GRK5: variants seen among roughly 807,000 people sequenced by gnomAD.
GRK5 encodes the protein G protein-coupled receptor kinase 5.
GRK5 carries 40 observed loss-of-function variants against 78.4 expected under a neutral mutation model. That is an observed-to-expected ratio of 0.51 (90% CI 0.40 to 0.66). The LOEUF (loss-of-function observed/expected upper bound fraction) is 0.66. Ranked by LOEUF, GRK5 falls within the 30% of genes least tolerant of loss-of-function variation. The pLI is 0.00. For missense variants in GRK5, 598 were observed against 759.9 expected, an observed-to-expected ratio of 0.79 and a Z score of 2.50; for synonymous variants, 289 against 296.8, an observed-to-expected ratio of 0.97 and a Z score of 0.27.
At position 119,336,933 on chromosome 10, in the gene GRK5, A is replaced by G. The variant is rs7069375; in HGVS notation, c.148+10322A>G. 0.43 allele frequency among the ~76,000 whole-genome samples: 65,113 copies of G among 152,022 alleles called. 16,642 individuals are homozygous for G. The highest frequency in any genetic ancestry group is 0.57 in the Non-Finnish European group (38,501 of 67,958). On this transcript the variant is annotated intron_variant, in intron 2 of 15. Transcript: ENST00000392870. The surrounding 1 kb of genome is among the most constrained non-coding windows in gnomAD (Gnocchi z 4.5). ...TTTGCGGTGTTAGTCTCACCTCCCC[A>G]CTACGGCCGGAAGCTCCTTGAAAGA...
chr10:119,280,217 C>G lies in GRK5; in HGVS notation c.53-46299C>G, dbSNP rs543079419. The stretch of plus-strand genomic sequence containing the variant: ...AACTTAACAAAAATTGGTCCAGGGA[C>G]AAATTATGCTTAGTAATGGATTATC... On this transcript the variant is annotated intron_variant, in intron 1 of 15. Coordinates refer to ENST00000392870, the MANE Select transcript of GRK5 (RefSeq NM_005308.3). 4.6e-5 allele frequency among the ~76,000 whole-genome samples: 7 copies of G among 152,306 alleles called. No homozygotes were observed. In the South Asian group the frequency reaches 1.4e-3, roughly 32 times the overall value.
At chr10:119,314,338 G>T (rs1850446861) in intron 1 of GRK5, among the ~76,000 whole-genome samples, 1 of 152,202 alleles carries the variant, frequency 6.6e-6, no homozygotes. Flanking sequence ...CCCTTTGAAT[G>T]GAACCTGGGG....
rs527540030 is a variant in GRK5, at chr10:119,435,887, C to T, written c.739-764C>T. 7.9e-5 allele frequency among the ~76,000 whole-genome samples: 12 copies of T among 152,324 alleles called. No homozygotes were observed. In the East Asian group the frequency reaches 1.7e-3, roughly 22 times the overall value. ...GAGGTTTAATGGACTTACAGTTCCA[C>T]GTGGCTGGGGAGGCCCCACAATCAT... On this transcript the variant is annotated intron_variant, in intron 8 of 15. Transcript: ENST00000392870.
intron 1 of GRK5, among the ~76,000 whole-genome samples, chr10:119,311,177 T>C (rs185664263): frequency 9.0e-4 from 137 of 152,326 alleles, no homozygotes; most frequent in Middle Eastern, 3.4e-3. Context: ...TCCCTTCCGG[T>C]CCTGCCTCGC....
intron 1 of GRK5, among the ~76,000 whole-genome samples, chr10:119,250,918 A>G (rs1305006008): frequency 1.3e-5 from 2 of 152,154 alleles, no homozygotes; most frequent in African/African-American, 4.8e-5. Flanking sequence ...GTCTATTTCT[A>G]GGCATCTCCA....
chr10:119,324,585 G>A (rs891029561), intron 1 of GRK5, among the ~76,000 whole-genome samples: 20 of 152,228 alleles, frequency 1.3e-4, no homozygotes, highest in African/African-American at 3.1e-4. Flanking sequence ...AACCGAGATC[G>A]TGCCATTGCA....
chr10:119,285,924 A>G (rs551653344), intron 1 of GRK5, among the ~76,000 whole-genome samples: 36 of 152,250 alleles, frequency 2.4e-4, no homozygotes, highest in African/African-American at 8.4e-4. Context: ...CCCTGTCTGC[A>G]AAATGGGGCT....
chr10:119,279,143 G>A (rs1849716226), intron 1 of GRK5, among the ~76,000 whole-genome samples: 1 of 152,090 alleles, frequency 6.6e-6, no homozygotes, highest in Admixed American at 6.5e-5. Flanking sequence ...GCCTCCCAAA[G>A]TGCTGGGATT....
At chr10:119,314,920 G>C (rs2133746786) in intron 1 of GRK5, among the ~76,000 whole-genome samples, 1 of 152,314 alleles carries the variant, frequency 6.6e-6, no homozygotes, top group South Asian at 2.1e-4. Flanking sequence ...CCCAGGCAGG[G>C]GCTGGCTGTT....
intron 2 of GRK5, chr10:119,335,834 G>A (rs1850877612): frequency 6.6e-6 from 1 of 152,276 alleles, no homozygotes; most frequent in Admixed American, 6.5e-5. Context: ...TGGTGCTGCT[G>A]CTGCCAGCCC....
At chr10:119,376,819 G>A (rs974745140) in intron 2 of GRK5, among the ~76,000 whole-genome samples, 3 of 152,032 alleles carry the variant, frequency 2.0e-5, no homozygotes, top group South Asian at 2.1e-4. Context: ...CACCCGCCTC[G>A]GCCTCTCAAA....
At chr10:119,285,874 A>G (rs566428649) in intron 1 of GRK5, among the ~76,000 whole-genome samples, 1 of 152,146 alleles carries the variant, frequency 6.6e-6, no homozygotes, top group East Asian at 1.9e-4. Context: ...TCCTCACCTC[A>G]TGACTTCCTG....
chr10:119,329,338 C>T (rs1850729090), intron 2 of GRK5, among the ~76,000 whole-genome samples: 1 of 152,106 alleles, frequency 6.6e-6, no homozygotes, highest in Non-Finnish European at 1.5e-5. Context: ...AAACCCTGGA[C>T]ATTATGTATA....
chr10:119,301,234 C>A (rs1451647223), intron 1 of GRK5, among the ~76,000 whole-genome samples: 1 of 152,216 alleles, frequency 6.6e-6, no homozygotes, highest in African/African-American at 2.4e-5. Flanking sequence ...CCTCCGGGAG[C>A]CCCTTCCAGG....
intron 3 of GRK5, among the ~76,000 whole-genome samples, chr10:119,387,946 TAAAG>T (rs1851827512): frequency 2.6e-5 from 2 of 78,098 alleles, no homozygotes; most frequent in Admixed American, 3.3e-4. Context: ...ATTAAAAAAA[TAAAG>T]AAGATTTTTT....
At chr10:119,437,914 G>A (rs748994070) in intron 9 of GRK5, among the ~76,000 whole-genome samples, 45 of 152,210 alleles carry the variant, frequency 3.0e-4, no homozygotes, top group African/African-American at 9.6e-4. Context: ...CCTGGCCAAC[G>A]TGGTGAAACC....
At chr10:119,223,437 T>G (rs550459034) in intron 1 of GRK5, among the ~76,000 whole-genome samples, 44 of 152,298 alleles carry the variant, frequency 2.9e-4, no homozygotes, top group Non-Finnish European at 5.4e-4. Flanking sequence ...GGGGATAGCC[T>G]GTATTTTTAA....
chr10:119,386,081 T>C (rs1361910436), intron 3 of GRK5, among the ~76,000 whole-genome samples: 2 of 152,128 alleles, frequency 1.3e-5, no homozygotes, highest in Non-Finnish European at 1.5e-5. Context: ...GACAGAGTTT[T>C]GCCATGTTGC....
intron 2 of GRK5, among the ~76,000 whole-genome samples, chr10:119,349,431 A>G (rs1851154930): frequency 6.6e-6 from 1 of 152,202 alleles, no homozygotes. Context: ...TTGCCCCTCC[A>G]CTTACTCATT....
Sources: allele counts gnomAD v4.1 joint callset (sites outside exome capture counted in the v4.1 genomes callset), GRCh38; gene constraint gnomAD v4.1.1; non-coding constraint Gnocchi (gnomAD v3.1); transcripts MANE v1.5; gene names NCBI Gene and HGNC (gene_info 2026-07-23, HGNC 2026-07-21).